ACAP1: variants seen among roughly 807,000 people sequenced by gnomAD.
ACAP1 encodes the protein ArfGAP with coiled-coil, ankyrin repeat and PH domains 1.
A neutral mutation model predicts 98.8 loss-of-function variants in ACAP1; 45 were observed. That is an observed-to-expected ratio of 0.46 (90% CI 0.36 to 0.58). The LOEUF is 0.58. ACAP1 is among the 20% of genes least tolerant of loss of function. The probability of loss-of-function intolerance (pLI) is 0.00; values close to 1 mark genes in which losing one functional copy is unlikely to be tolerated. For synonymous variants in ACAP1, 362 were observed against 375.3 expected, an observed-to-expected ratio of 0.96 and a Z score of 0.41; for missense variants, 735 against 971.4, an observed-to-expected ratio of 0.76 and a Z score of 3.24.
At chr17:7,340,610 C>T (rs760446716) in intron 2 of ACAP1, among the ~76,000 whole-genome samples, 10 of 152,064 alleles carry the variant, frequency 6.6e-5, no homozygotes, top group East Asian at 3.9e-4. Context: ...TTCGGGAGGC[C>T]GAAGCAGGTG....
chr17:7,340,141 G>T (rs1462320133), intron 2 of ACAP1, among the ~76,000 whole-genome samples: 1 of 152,000 alleles, frequency 6.6e-6, no homozygotes, highest in African/African-American at 2.4e-5. Flanking sequence ...GCATGGTGGT[G>T]TGTGCCTGTA....
rs2073291390 is a variant in ACAP1, at chr17:7,342,261, C to T, written c.232-14C>T. On this transcript the variant is annotated splice_polypyrimidine_tract_variant and intron_variant, in intron 3 of 21. Transcript: ENST00000158762. ...CCCATGCCTGGTACTCTTTCTGTGC[C>T]TCTTCTTGCCTAGGAGTGTCTGGAA... is the stretch of plus-strand genomic sequence containing the variant. The T allele has an allele frequency of 3.1e-6, 5 of 1,613,852 alleles. No individual in the cohort carries two copies. The highest frequency in any genetic ancestry group is 4.2e-6 in the Non-Finnish European group (5 of 1,179,966).
chr17:7,346,140 G>T, intron 10 of ACAP1, 104 bp from the exon 11 acceptor site: 1 of 1,033,206 alleles, frequency 9.7e-7, no homozygotes, highest in Non-Finnish European at 1.5e-6. Flanking sequence ...GTCAGCCCAG[G>T]TGTCTGTCCT....
intron 2 of ACAP1, among the ~76,000 whole-genome samples, chr17:7,339,110 G>C (rs1439797212): frequency 6.6e-6 from 1 of 151,330 alleles, no homozygotes; most frequent in African/African-American, 2.4e-5. Context: ...CTAACACTGT[G>C]AAACCCCGTC....
rs567929529 is a variant in ACAP1 at position 7,349,153 on chromosome 17, C to G, written c.1837C>G (p.Gln613Glu). Residue 613 changes from glutamine (Q) to glutamate (E), a missense_variant, in exon 18 of 22, where the codon CAG becomes GAG. Coordinates refer to ENST00000158762, the MANE Select transcript of ACAP1 (RefSeq NM_014716.4). ...GGQDNATPLI[Q>E]ATAANSLLAC... Reference sequence around the variant, plus strand: ...CCAAGATAATGCCACACCGCTGATCCAGGCCACAGCTGCTGTAAGAGCCCT... The same window carrying G: ...CCAAGATAATGCCACACCGCTGATCGAGGCCACAGCTGCTGTAAGAGCCCT... The G allele has an allele frequency of 1.2e-6, 2 of 1,613,968 alleles. No homozygotes were observed. Among genetic ancestry groups the G allele is most frequent in the African/African-American group, 1.3e-5 (1 of 74,998 alleles).
Position 7,344,255 on chromosome 17 carries a change from T to A in ACAP1, c.744+132T>A. ...AGTGAAACTCCATCTCTACAGAAAA[T>A]TTTAAAATTAGCTGGTGTGGTGGCA... On this transcript the variant is annotated intron_variant, in intron 9 of 21. Coordinates refer to ENST00000158762, the MANE Select transcript of ACAP1 (RefSeq NM_014716.4). This position sits in a 1 kb window ranked among gnomAD's most constrained non-coding sequence, Gnocchi z 4.9. 9.1e-7 allele frequency: 1 copy of A among 1,094,848 alleles called. No individual in the cohort carries two copies. The highest frequency in any genetic ancestry group is 2.6e-5 in the East Asian group (1 of 38,630). 67.8% of individuals were successfully genotyped at this position (1,094,848 alleles called of 1,614,324 possible).
In ACAP1 at chr17:7,347,020, C is replaced by A; in HGVS notation, c.1132-11C>A. On this transcript the variant is annotated splice_polypyrimidine_tract_variant and intron_variant, in intron 13 of 21. Transcript: ENST00000158762. ...CCCCTTGGCCACCCTTTCTTCCCCTCTCTCCCCCAGGGCTCAGGACACCTG... is the reference window on the plus strand; with the variant it reads ...CCCCTTGGCCACCCTTTCTTCCCCTATCTCCCCCAGGGCTCAGGACACCTG... 3 of 1,572,030 alleles carry A rather than the reference C, an allele frequency of 1.9e-6. No individual in the cohort carries two copies. Among genetic ancestry groups the A allele is most frequent in the Non-Finnish European group, 2.6e-6 (3 of 1,154,272 alleles).
chr17:7,347,820 C>T lies in ACAP1; in HGVS notation c.1344-102C>T, dbSNP rs1378741531. ...CCTGGGCCAGCACCTCTGCACGGGCCCCCATGCCAGCCTTGCCTCCCAGTG... is the reference window on the plus strand; with the variant it reads ...CCTGGGCCAGCACCTCTGCACGGGCTCCCATGCCAGCCTTGCCTCCCAGTG... On this transcript the variant is annotated intron_variant, in intron 14 of 21. Transcript: ENST00000158762. 6.2e-6 allele frequency: 6 copies of T among 970,680 alleles called. No individual in the cohort carries two copies. The East Asian group carries it at 1.2e-4, about 20-fold the overall frequency. The allele number at this position is 970,680 out of a possible 1,614,324, so 60.1% of individuals were successfully genotyped here.
At position 7,347,056 on chromosome 17, in the gene ACAP1, C is replaced by T. The variant is rs1270920363; in HGVS notation, c.1157C>T (p.Ser386Phe). ...GQGSGHLAIG[S>F]AATLGSGGMA... ...GGCTCAGGACACCTGGCCATAGGCT[C>T]TGCTGCCACCCTGGGCTCTGGTGGA... Residue 386 changes from serine (S) to phenylalanine (F), a missense_variant, in exon 14 of 22, where the codon TCT becomes TTT. Ser to Phe is a radical substitution (Grantham distance 155, BLOSUM62 -2). Around this residue, in one of 5 missense-constraint regions of ACAP1, gnomAD observed 430 missense variants for 531.8 expected, o/e 0.81. Transcript: ENST00000158762. The T allele has an allele frequency of 2.5e-6, 4 of 1,603,868 alleles. No individual in the cohort carries two copies. The highest frequency in any genetic ancestry group is 1.7e-5 in the Admixed American group (1 of 59,340).
At position 7,336,783 on chromosome 17, in the gene ACAP1, T is replaced by G. The variant is rs113547153; in HGVS notation, c.49T>G (p.Phe17Val). 2.5e-6 allele frequency: 4 copies of G among 1,613,826 alleles called. No individual in the cohort carries two copies. The highest frequency in any genetic ancestry group is 3.4e-6 in the Non-Finnish European group (4 of 1,179,810). Residue 17 changes from phenylalanine (F) to valine (V), a missense_variant, in exon 1 of 22, where the codon TTC becomes GTC. Physicochemically the swap from Phe to Val is conservative, Grantham distance 50. This residue lies in a region of ACAP1 where 430 missense variants were observed against 531.8 expected (regional missense o/e 0.81). Transcript: ENST00000158762. ...FEECLKDSPR[F>V]RASIELVEAE... is the part of the protein sequence containing the mutation. ...GGAGTGTCTCAAGGACTCACCCCGTTTCCGGTAAGTGTGAACTGGTCTGGG... is the reference window on the plus strand; with the variant it reads ...GGAGTGTCTCAAGGACTCACCCCGTGTCCGGTAAGTGTGAACTGGTCTGGG...
At position 7,336,670 on chromosome 17, in the gene ACAP1, C is replaced by T. The variant is rs2073222138; in HGVS notation, c.-65C>T. The T allele has an allele frequency of 6.4e-7, 1 of 1,568,440 alleles. No individual in the cohort carries two copies. Among genetic ancestry groups the T allele is most frequent in the Non-Finnish European group, 8.8e-7 (1 of 1,139,548 alleles). ...TCTCCCCTTCCTGGGACAGAAAGTG[C>T]CTCCACCTGCATCCCCAGGGGCCCG... On this transcript the variant is annotated 5_prime_UTR_variant, in exon 1 of 22. Transcript: ENST00000158762.
At chr17:7,338,163 T>G (rs764683481) in intron 2 of ACAP1, among the ~76,000 whole-genome samples, 9 of 152,202 alleles carry the variant, frequency 5.9e-5, no homozygotes, top group Non-Finnish European at 1.2e-4. Context: ...TAGTTCTCTA[T>G]TGCTGTGTAA....
chr17:7,337,492 T>G (rs1420395041), intron 2 of ACAP1, 123 bp downstream of exon 2: 22 of 917,616 alleles, frequency 2.4e-5, no homozygotes, highest in Non-Finnish European at 3.8e-5. Flanking sequence ...GGGAGATATT[T>G]TGGAGACTGC....
At chr17:7,337,614 G>T (rs2073234243) in intron 2 of ACAP1, among the ~76,000 whole-genome samples, 5 of 152,290 alleles carry the variant, frequency 3.3e-5, no homozygotes, top group Middle Eastern at 3.4e-3. Flanking sequence ...AGCACTTTGG[G>T]AGGCCAAGGT....
Position 7,344,129 on chromosome 17 carries a change from G to T in ACAP1, c.744+6G>T. On this transcript the variant is annotated splice_donor_region_variant and intron_variant, in intron 9 of 21. Coordinates refer to ENST00000158762, the MANE Select transcript of ACAP1 (RefSeq NM_014716.4). The surrounding 1 kb of genome is among the most constrained non-coding windows in gnomAD (Gnocchi z 4.9). ...ACGTGCTGCTGAAACAGAAGGTGAGGGGCCAGGTGCGGTGGCCCACGACCG... is the reference window on the plus strand; with the variant it reads ...ACGTGCTGCTGAAACAGAAGGTGAGTGGCCAGGTGCGGTGGCCCACGACCG... 6.4e-7 allele frequency: 1 copy of T among 1,566,070 alleles called. No homozygotes were observed. Among genetic ancestry groups the T allele is most frequent in the Non-Finnish European group, 8.7e-7 (1 of 1,155,116 alleles).
intron 18 of ACAP1, chr17:7,349,460 C>T (rs886213059): frequency 6.3e-6 from 2 of 319,558 alleles, no homozygotes; most frequent in African/African-American, 4.3e-5. Context: ...ACTGCAAGCT[C>T]CGCCTCCCGG....
Position 7,346,910 on chromosome 17 carries a change from CA to C in ACAP1, c.1111del (p.Ser371AlafsTer14). The C allele has an allele frequency of 6.2e-7, 1 of 1,612,660 alleles. No homozygotes were observed. Among genetic ancestry groups the C allele is most frequent in the Non-Finnish European group, 8.5e-7 (1 of 1,178,856 alleles). On this transcript the variant is annotated frameshift_variant, in exon 13 of 22. Coordinates refer to ENST00000158762, the MANE Select transcript of ACAP1 (RefSeq NM_014716.4). LOFTEE classifies it high-confidence loss of function. ...SAFSQARLDD[S>X]PRGPGQGSGH... ...CCTTCAGTCAGGCTCGCCTTGATGA[CA>C]GCCCCCGGGGTCCAGGCCAGGTACC...
At chr17:7,351,252 C>A in intron 21 of ACAP1, 43 bp from the exon 22 acceptor site, 1 of 1,526,374 alleles carries the variant, frequency 6.6e-7, no homozygotes, top group Non-Finnish European at 9.0e-7. Flanking sequence ...TGCCCTTCTG[C>A]ACTGGGGCCC....
In ACAP1 at chr17:7,343,474, G is replaced by T; in HGVS notation, c.440G>T (p.Arg147Leu). The T allele has an allele frequency of 1.2e-6, 2 of 1,614,098 alleles. No homozygotes were observed. The highest frequency in any genetic ancestry group is 1.7e-6 in the Non-Finnish European group (2 of 1,180,010). ...ALTHNAEVPR[R>L]RAQEAEEAGA... ...ACCCACAACGCAGAGGTTCCCAGGC[G>T]CCGGGCCCAGGAGGCAGAAGAGGCA... Residue 147 changes from arginine to leucine, a missense_variant, in exon 6 of 22, where the codon CGC (arginine) becomes CTC (leucine). Around this residue, in one of 5 missense-constraint regions of ACAP1, gnomAD observed 430 missense variants for 531.8 expected, o/e 0.81. Coordinates refer to ENST00000158762, the MANE Select transcript of ACAP1 (RefSeq NM_014716.4). The surrounding 1 kb of genome is among the most constrained non-coding windows in gnomAD (Gnocchi z 4.9).
Sources: gnomAD v4.1 joint callset for allele counts (sites outside exome capture counted in the v4.1 genomes callset) on GRCh38, gnomAD v4.1.1 for gene constraint, gnomAD v4.1.1 regional missense constraint, Gnocchi (gnomAD v3.1) non-coding constraint, MANE v1.5 for transcripts, NCBI Gene and HGNC (gene_info 2026-07-23, HGNC 2026-07-21) for gene names.